AKAP6: variants seen among roughly 807,000 people sequenced by gnomAD.
AKAP6 encodes the protein A-kinase anchoring protein 6.
AKAP6 carries 58 observed loss-of-function variants against 188.5 expected under a neutral mutation model. The ratio of observed to expected loss-of-function variants is 0.31; its 90% CI spans 0.25 to 0.38. The LOEUF (loss-of-function observed/expected upper bound fraction) is 0.38. Among genes scored for constraint, AKAP6 ranks in the 10% least tolerant of loss-of-function variants. The pLI is 1.00. For missense variants in AKAP6, 2,710 were observed against 2,740.0 expected (o/e 0.99, Z 0.24); for synonymous variants, 989 against 998.6 (o/e 0.99, Z 0.18).
At chr14:32,500,186 A>G (rs1339229597) in intron 2 of AKAP6, among the ~76,000 whole-genome samples, 1 of 152,194 alleles carries the variant, frequency 6.6e-6, no homozygotes, top group African/African-American at 2.4e-5. Context: ...AGCATGATCC[A>G]TGAAGTTATC....
Position 32,830,136 on chromosome 14 carries a change from C to T in AKAP6, c.*331C>T. 1.7e-6 allele frequency: 1 copy of T among 591,342 alleles called. No homozygotes were observed. Among genetic ancestry groups the T allele is most frequent in the Non-Finnish European group, 3.0e-6 (1 of 332,696 alleles). 36.6% of individuals were successfully genotyped at this position (591,342 alleles called of 1,614,324 possible). A position where few individuals can be genotyped will look rare whatever the true frequency, so the allele number is the denominator to read the frequency against. ...CTAGACTTTTCTCTTTGCCTCCTCC[C>T]TTCCCTTCCACTCTTTAAAGTTCTG... On this transcript the variant is annotated 3_prime_UTR_variant, in exon 14 of 14. Coordinates refer to ENST00000280979, the MANE Select transcript of AKAP6 (RefSeq NM_004274.5).
intron 9 of AKAP6, among the ~76,000 whole-genome samples, chr14:32,722,215 C>A (rs2030579959): frequency 6.6e-6 from 1 of 152,150 alleles, no homozygotes; most frequent in Non-Finnish European, 1.5e-5. Context: ...TTCTCCCTTA[C>A]TGAAGTGCTT....
Position 32,443,489 on chromosome 14 carries a change from G to A in AKAP6, c.324+9672G>A, listed in dbSNP as rs1890659003. On this transcript the variant is annotated intron_variant, in intron 2 of 13. Coordinates refer to ENST00000280979, the MANE Select transcript of AKAP6 (RefSeq NM_004274.5). The stretch of plus-strand genomic sequence containing the variant: ...CCAGAGCAGTCATGTCAGAATCTGG[G>A]TTTGGACCCAGACATCAGTCTTTTA... 2.0e-5 allele frequency among the ~76,000 whole-genome samples: 3 copies of A among 152,084 alleles called. No individual in the cohort carries two copies. In the South Asian group the frequency reaches 6.2e-4, roughly 32 times the overall value.
At chr14:32,628,839 G>A (rs1387771721) in intron 7 of AKAP6, among the ~76,000 whole-genome samples, 1 of 151,928 alleles carries the variant, frequency 6.6e-6, no homozygotes, top group East Asian at 1.9e-4. Flanking sequence ...TATTAAGGTA[G>A]CAGTATCTGT....
At chr14:32,513,158 ATC>A (rs1423214822) in intron 2 of AKAP6, among the ~76,000 whole-genome samples, 3 of 152,150 alleles carry the variant, frequency 2.0e-5, no homozygotes, top group Non-Finnish European at 4.4e-5. Context: ...CCATAGAACT[ATC>A]TCCTCCCTTG....
intron 10 of AKAP6, chr14:32,734,034 G>C (rs1188773923): frequency 6.6e-6 from 1 of 152,016 alleles, no homozygotes; most frequent in Non-Finnish European, 1.5e-5. Flanking sequence ...TTTGAAAAAA[G>C]AAATAATATT....
At chr14:32,500,308 C>T (rs1880544166) in intron 2 of AKAP6, among the ~76,000 whole-genome samples, 1 of 152,160 alleles carries the variant, frequency 6.6e-6, no homozygotes, top group South Asian at 2.1e-4. Context: ...GTTCATTTGG[C>T]AGATTGCCAT....
chr14:32,782,065 T>G (rs2033268259), intron 12 of AKAP6, among the ~76,000 whole-genome samples: 1 of 151,808 alleles, frequency 6.6e-6, no homozygotes, highest in Admixed American at 6.6e-5. Context: ...CTCTGGAGGC[T>G]GAGGCAGGAG....
chr14:32,355,251 T>C (rs951960554), intron 1 of AKAP6, among the ~76,000 whole-genome samples: 2 of 110,656 alleles, frequency 1.8e-5, no homozygotes, highest in Admixed American at 9.0e-5. Context: ...TATTTTCTTA[T>C]AGTATAGACC....
At position 32,433,989 on chromosome 14, in the gene AKAP6, T is replaced by A. The variant is rs1594609342; in HGVS notation, c.324+172T>A. 6.2e-6 allele frequency: 4 copies of A among 642,264 alleles called. No individual in the cohort carries two copies. The East Asian group carries it at 1.1e-4, about 18-fold the overall frequency. 39.8% of individuals were successfully genotyped at this position (642,264 alleles called of 1,614,324 possible). On this transcript the variant is annotated intron_variant, in intron 2 of 13. Transcript: ENST00000280979. Reference sequence around the variant, plus strand: ...ATGGAAATAATTAATTCTTCTCTGATTTTACTACATGTGCTGATTATCTAG... The same window carrying A: ...ATGGAAATAATTAATTCTTCTCTGAATTTACTACATGTGCTGATTATCTAG...
At chr14:32,383,386 T>G (rs1444213764) in intron 1 of AKAP6, among the ~76,000 whole-genome samples, 1 of 152,102 alleles carries the variant, frequency 6.6e-6, no homozygotes, top group Non-Finnish European at 1.5e-5. Context: ...TCTGAAAAAG[T>G]GGGTGAATTA....
intron 11 of AKAP6, among the ~76,000 whole-genome samples, chr14:32,755,463 TGTTTA>T (rs953526517): frequency 1.3e-5 from 2 of 151,910 alleles, no homozygotes; most frequent in Admixed American, 1.3e-4. Context: ...TTGTTTGTTT[TGTTTA>T]GTTGTTTATT....
At chr14:32,788,989 G>A (rs1284393629) in intron 12 of AKAP6, among the ~76,000 whole-genome samples, 1 of 152,150 alleles carries the variant, frequency 6.6e-6, no homozygotes, top group African/African-American at 2.4e-5. Flanking sequence ...GGAGAGGGTC[G>A]GCCACCATCT....
Position 32,824,176 on chromosome 14 carries a change from T to TGGGGCC in AKAP6, c.6363_6364insGGGGCC (p.Asp2121_Cys2122insGlyAla), listed in dbSNP as rs2034612464. ...TATCTCTCTCATCTCATGACAGTGA[T>TGGGGCC]TGTGGGGAGGTCACCAATTACATAG... On this transcript the variant is annotated inframe_insertion, in exon 13 of 14. Transcript: ENST00000280979. 6.2e-7 allele frequency: 1 copy of TGGGGCC among 1,613,738 alleles called. No homozygotes were observed. Among genetic ancestry groups the TGGGGCC allele is most frequent in the Non-Finnish European group, 8.5e-7 (1 of 1,179,914 alleles).
At chr14:32,554,974 C>G (rs1298981807) in intron 4 of AKAP6, among the ~76,000 whole-genome samples, 1 of 152,190 alleles carries the variant, frequency 6.6e-6, no homozygotes. Flanking sequence ...GCCTGTTTGT[C>G]CACAAGAGAT....
At chr14:32,744,295 C>CT (rs112824428) in intron 11 of AKAP6, among the ~76,000 whole-genome samples, 1,635 of 150,906 alleles carry the variant, frequency 0.011, 21 homozygotes, top group African/African-American at 0.037. Flanking sequence ...ATATTCTGTT[C>CT]TTTTTTTTTA....
At chr14:32,711,085 A>G (rs1194359505) in intron 9 of AKAP6, among the ~76,000 whole-genome samples, 1 of 152,090 alleles carries the variant, frequency 6.6e-6, no homozygotes, top group Non-Finnish European at 1.5e-5. Flanking sequence ...ACGCTTTAGG[A>G]ATATCCATTA....
At chr14:32,508,556 C>T (rs1319098728) in intron 2 of AKAP6, among the ~76,000 whole-genome samples, 1 of 152,078 alleles carries the variant, frequency 6.6e-6, no homozygotes, top group African/African-American at 2.4e-5. Context: ...GATATTTGTG[C>T]CTTTAAGAGA....
At chr14:32,828,639 A>T in intron 13 of AKAP6, among the ~76,000 whole-genome samples, 1 of 152,034 alleles carries the variant, frequency 6.6e-6, no homozygotes, top group Non-Finnish European at 1.5e-5. Flanking sequence ...AAGTTGAAAG[A>T]ATTGATTACC....
Sources: gnomAD v4.1 joint callset for allele counts (sites outside exome capture counted in the v4.1 genomes callset) on GRCh38, gnomAD v4.1.1 for gene constraint, MANE v1.5 for transcripts, NCBI Gene and HGNC (gene_info 2026-07-23, HGNC 2026-07-21) for gene names.